RANBP17: variants seen among roughly 807,000 people sequenced by gnomAD.
RANBP17 encodes the protein RAN binding protein 17, also known as ran-binding protein 17.
In RANBP17, 158 loss-of-function variants were observed where a neutral mutation model predicts 141.2. The observed-to-expected ratio is 1.12, with a 90% CI of 0.98 to 1.28. The LOEUF (loss-of-function observed/expected upper bound fraction) is 1.28, where lower values mean the gene tolerates loss of function less well. Among genes scored for constraint, RANBP17 ranks in the 50% most tolerant of loss-of-function variants. The pLI, the probability that RANBP17 is intolerant of heterozygous loss-of-function variation, is 0.00. For synonymous variants in RANBP17, 430 were observed against 450.0 expected (o/e 0.96, Z 0.56); for missense variants, 1,438 against 1,290.7 (o/e 1.11, Z -1.75).
chr5:171,278,718 C>T (rs1163508890), intron 25 of RANBP17, among the ~76,000 whole-genome samples: 3 of 152,158 alleles, frequency 2.0e-5, no homozygotes, highest in Non-Finnish European at 4.4e-5. Context: ...TGCCAGCTGC[C>T]TTGTCCATGG....
At chr5:171,227,434 A>T (rs1208025646) in intron 22 of RANBP17, among the ~76,000 whole-genome samples, 1 of 152,228 alleles carries the variant, frequency 6.6e-6, no homozygotes, top group Admixed American at 6.5e-5. Flanking sequence ...GTGAAGGCTA[A>T]GAGAGGTGAG....
At chr5:171,062,304 T>C (rs1430404940) in intron 14 of RANBP17, among the ~76,000 whole-genome samples, 1 of 152,226 alleles carries the variant, frequency 6.6e-6, no homozygotes, top group Non-Finnish European at 1.5e-5. Flanking sequence ...GTACCGGTTG[T>C]TCCTTTCCAT....
intron 14 of RANBP17, among the ~76,000 whole-genome samples, chr5:170,999,581 C>T (rs1317788246): frequency 6.6e-6 from 1 of 152,024 alleles, no homozygotes; most frequent in Non-Finnish European, 1.5e-5. Context: ...ATGCTATATA[C>T]ATTTAGTTTG....
At chr5:170,863,958 G>A (rs745854931) in intron 1 of RANBP17, among the ~76,000 whole-genome samples, 13 of 152,106 alleles carry the variant, frequency 8.5e-5, no homozygotes, top group South Asian at 2.1e-4. Context: ...AAATTTCTCC[G>A]TTTGAATTCT....
At chr5:171,153,943 C>G (rs1192686904) in intron 14 of RANBP17, among the ~76,000 whole-genome samples, 1 of 151,934 alleles carries the variant, frequency 6.6e-6, no homozygotes, top group East Asian at 1.9e-4. Context: ...AGGAGAATCT[C>G]TTGAACCAAG....
At chr5:171,001,433 T>G (rs1159112602) in intron 14 of RANBP17, among the ~76,000 whole-genome samples, 1 of 152,144 alleles carries the variant, frequency 6.6e-6, no homozygotes, top group Non-Finnish European at 1.5e-5. Context: ...TGTTATTGTT[T>G]GCTTGGTTGG....
intron 1 of RANBP17, among the ~76,000 whole-genome samples, chr5:170,874,561 T>C (rs1768009207): frequency 6.6e-6 from 1 of 152,178 alleles, no homozygotes; most frequent in Admixed American, 6.5e-5. Flanking sequence ...GTTGAATTGT[T>C]CCCTTTATCA....
intron 13 of RANBP17, among the ~76,000 whole-genome samples, chr5:170,957,447 T>C (rs115061838): frequency 0.012 from 1,769 of 152,290 alleles, 31 homozygotes; most frequent in African/African-American, 0.041. Context: ...CTTCATAAAA[T>C]GTGTTTCTAA....
chr5:170,973,487 A>AT (rs1777136265), intron 14 of RANBP17, among the ~76,000 whole-genome samples: 1 of 152,210 alleles, frequency 6.6e-6, no homozygotes, highest in South Asian at 2.1e-4. Flanking sequence ...GTGAATCAGA[A>AT]AACACAATAG....
Position 170,919,440 on chromosome 5 carries a change from G to T in RANBP17, c.1102-1G>T. 1 of 1,555,524 alleles carries T rather than the reference G, an allele frequency of 6.4e-7. No homozygotes were observed. Among genetic ancestry groups the T allele is most frequent in the Non-Finnish European group, 8.7e-7 (1 of 1,152,650 alleles). On this transcript the variant is annotated splice_acceptor_variant, in intron 10 of 27. Coordinates refer to ENST00000523189, the MANE Select transcript of RANBP17 (RefSeq NM_022897.5). LOFTEE classifies it high-confidence loss of function. ...ATAACTTCTGCTTTATTTCTTTGTA[G>T]CACTGGGAATTTGCTCCTAACAGTG...
chr5:171,242,565 G>C (rs1037662962), intron 23 of RANBP17, 117 bp from the exon 24 acceptor site: 5 of 1,052,520 alleles, frequency 4.8e-6, no homozygotes, highest in Non-Finnish European at 7.0e-6. Flanking sequence ...TATATTTATT[G>C]ACCTTGTGTT....
At chr5:171,122,643 A>G (rs1220979717) in intron 14 of RANBP17, among the ~76,000 whole-genome samples, 2 of 152,180 alleles carry the variant, frequency 1.3e-5, no homozygotes, top group South Asian at 4.1e-4. Flanking sequence ...CCATGTTCCC[A>G]CTGCAGACTC....
intron 18 of RANBP17, among the ~76,000 whole-genome samples, chr5:171,196,103 T>C (rs968001994): frequency 1.5e-4 from 23 of 152,124 alleles, no homozygotes; most frequent in African/African-American, 5.6e-4. Context: ...AATGAATAAA[T>C]ATGTCAATGA....
At position 170,903,114 on chromosome 5, in the gene RANBP17, C is replaced by A. The variant is rs145100430; in HGVS notation, c.490-6547C>A. Among the ~76,000 whole-genome samples the A allele has an allele frequency of 3.3e-4, 51 of 152,330 alleles. 2 individuals carry two copies. In the East Asian group the frequency reaches 7.5e-3, roughly 23 times the overall value. On this transcript the variant is annotated intron_variant, in intron 5 of 27. Transcript: ENST00000523189. The stretch of plus-strand genomic sequence containing the variant: ...CTGTGCCCACAGCCGCCCCTTCCCC[C>A]AGGTGCTCTGTTCCAGGGAGATGGG...
chr5:171,143,224 A>G (rs1757818177), intron 14 of RANBP17: 1 of 152,204 alleles, frequency 6.6e-6, no homozygotes, highest in South Asian at 2.1e-4. Flanking sequence ...GAACAAAGGA[A>G]TTTTCCACTT....
chr5:171,096,773 C>T (rs1786722744), intron 14 of RANBP17, among the ~76,000 whole-genome samples: 1 of 152,044 alleles, frequency 6.6e-6, no homozygotes, highest in Non-Finnish European at 1.5e-5. Flanking sequence ...AAAGAAGGAG[C>T]TGGTTCTTAT....
chr5:170,960,281 A>G (rs1776037094), intron 13 of RANBP17, among the ~76,000 whole-genome samples: 1 of 152,150 alleles, frequency 6.6e-6, no homozygotes, highest in African/African-American at 2.4e-5. Context: ...TTTTAACCTC[A>G]ACTAGGCCCT....
At chr5:170,940,849 A>C (rs986006128) in intron 12 of RANBP17, among the ~76,000 whole-genome samples, 5 of 152,136 alleles carry the variant, frequency 3.3e-5, no homozygotes, top group Admixed American at 6.5e-5. Context: ...AAGCATTAGC[A>C]TATGAAGTGA....
chr5:171,292,383 A>G (rs962245068), intron 25 of RANBP17, among the ~76,000 whole-genome samples: 3 of 152,236 alleles, frequency 2.0e-5, no homozygotes, highest in African/African-American at 4.8e-5. Context: ...CATTTTATGT[A>G]CACTATCTCA....
Sources: gnomAD v4.1 joint callset for allele counts (sites outside exome capture counted in the v4.1 genomes callset) on GRCh38, gnomAD v4.1.1 for gene constraint, MANE v1.5 for transcripts, NCBI Gene and HGNC (gene_info 2026-07-23, HGNC 2026-07-21) for gene names.